Variants in MAP2K5 observed in about 807,000 individuals in gnomAD.
MAP2K5 encodes the protein mitogen-activated protein kinase kinase 5, also known as dual specificity mitogen-activated protein kinase kinase 5.
MAP2K5 carries 49 observed loss-of-function variants against 83.1 expected under a neutral mutation model. The observed-to-expected ratio is 0.59, with a 90% CI of 0.47 to 0.75. The LOEUF (loss-of-function observed/expected upper bound fraction) is 0.75, where lower values mean the gene tolerates loss of function less well. MAP2K5 is among the 30% of genes least tolerant of loss of function. MAP2K5 has a pLI of 0.00. For synonymous variants in MAP2K5, 202 were observed against 191.8 expected (o/e 1.05, Z -0.44); for missense variants, 457 against 557.5 (o/e 0.82, Z 1.82).
intron 13 of MAP2K5, among the ~76,000 whole-genome samples, chr15:67,674,675 C>G (rs1449562538): frequency 2.0e-5 from 3 of 152,062 alleles, no homozygotes; most frequent in African/African-American, 7.2e-5. Context: ...TTCAAGAGAT[C>G]AGAAACGCTA....
In MAP2K5 at chr15:67,736,343, C is replaced by G. The variant is rs2089341528; in HGVS notation, c.1074+8398C>G. Among the ~76,000 whole-genome samples the G allele has an allele frequency of 6.6e-6, 1 of 152,214 alleles. No homozygotes were observed. The highest frequency in any genetic ancestry group is 1.5e-5 in the Non-Finnish European group (1 of 68,048). The stretch of plus-strand genomic sequence containing the variant: ...TCCCTGCCACCCTTTATGAATTTGG[C>G]TTGGTATATCACGGCATTTTCTAGA... On this transcript the variant is annotated intron_variant, in intron 17 of 21. Transcript: ENST00000178640. This position sits in a 1 kb window ranked among gnomAD's most constrained non-coding sequence, Gnocchi z 4.3.
rs1896258602 is a variant in MAP2K5, at chr15:67,652,788, T to C, written c.737-5765T>C. ...AACTCTATACCTATTAAATAAGAACTCCTCATTCACCCCCGCTCCCAGCCC... is the reference window on the plus strand; with the variant it reads ...AACTCTATACCTATTAAATAAGAACCCCTCATTCACCCCCGCTCCCAGCCC... On this transcript the variant is annotated intron_variant, in intron 11 of 21. Coordinates refer to ENST00000178640, the MANE Select transcript of MAP2K5 (RefSeq NM_145160.3). The surrounding 1 kb of genome is among the most constrained non-coding windows in gnomAD (Gnocchi z 4.2). Among the ~76,000 whole-genome samples the C allele has an allele frequency of 6.6e-6, 1 of 152,124 alleles. No individual in the cohort carries two copies. Among genetic ancestry groups the C allele is most frequent in the African/African-American group, 2.4e-5 (1 of 41,438 alleles).
chr15:67,743,186 C>A (rs959700211), intron 17 of MAP2K5, among the ~76,000 whole-genome samples: 3 of 152,158 alleles, frequency 2.0e-5, no homozygotes, highest in African/African-American at 7.2e-5. Context: ...AATACAGCAC[C>A]CCAGCTGGAG....
rs34282083 is a variant in MAP2K5 at position 67,653,287 on chromosome 15, A to AT, written c.737-5251dup. ...GTTTGTCAGTTTCTCTGTTTAAAAT[A>AT]TTTTTTTTTTTTTTTGAGACGGAGT... On this transcript the variant is annotated intron_variant, in intron 11 of 21. Coordinates refer to ENST00000178640, the MANE Select transcript of MAP2K5 (RefSeq NM_145160.3). Among the ~76,000 whole-genome samples the AT allele has an allele frequency of 5.8e-4, 80 of 138,480 alleles. 1 individual carries two copies. The highest frequency in any genetic ancestry group is 2.0e-3 in the African/African-American group (76 of 37,738). 90.8% of individuals were successfully genotyped at this position (138,480 alleles called of 152,430 possible).
intron 7 of MAP2K5, among the ~76,000 whole-genome samples, chr15:67,597,432 G>A (rs1014078954): frequency 6.6e-6 from 1 of 152,162 alleles, no homozygotes; most frequent in Non-Finnish European, 1.5e-5. Context: ...ATGTTGAACT[G>A]GAGTATACTG....
At chr15:67,629,304 G>C (rs1567321213) in intron 8 of MAP2K5, among the ~76,000 whole-genome samples, 1 of 152,150 alleles carries the variant, frequency 6.6e-6, no homozygotes. Context: ...GCAAAAACTT[G>C]AGGACTGTAT....
intron 3 of MAP2K5, among the ~76,000 whole-genome samples, chr15:67,567,271 G>A (rs1328425887): frequency 2.0e-5 from 3 of 151,086 alleles, no homozygotes; most frequent in African/African-American, 2.4e-5. Flanking sequence ...ATAGTTTCTT[G>A]TAAGTTATGT....
At chr15:67,705,504 G>A (rs558264446) in intron 16 of MAP2K5, among the ~76,000 whole-genome samples, 1 of 152,194 alleles carries the variant, frequency 6.6e-6, no homozygotes, top group Non-Finnish European at 1.5e-5. Context: ...GGAGGCTGAG[G>A]TGGGCAGATC....
At chr15:67,579,724 T>A in intron 3 of MAP2K5, among the ~76,000 whole-genome samples, 1 of 150,462 alleles carries the variant, frequency 6.6e-6, no homozygotes, top group African/African-American at 2.5e-5. Flanking sequence ...GCTCTTGTAA[T>A]AATTTTAATG....
At chr15:67,554,122 C>G (rs1489519888) in intron 2 of MAP2K5, among the ~76,000 whole-genome samples, 12 of 151,990 alleles carry the variant, frequency 7.9e-5, no homozygotes, top group Admixed American at 7.9e-4. Context: ...TGCAGTGGTG[C>G]GATCTCAGCT....
chr15:67,578,309 C>T (rs779820865), intron 3 of MAP2K5, among the ~76,000 whole-genome samples: 10 of 152,292 alleles, frequency 6.6e-5, no homozygotes, highest in South Asian at 4.2e-4. Flanking sequence ...GCATTTTATC[C>T]TTATCCCATG....
At chr15:67,709,282 G>A (rs907176387) in intron 16 of MAP2K5, among the ~76,000 whole-genome samples, 24 of 152,122 alleles carry the variant, frequency 1.6e-4, no homozygotes, top group African/African-American at 5.6e-4. Flanking sequence ...AAGAATCAAT[G>A]TGGAAATGCA....
At chr15:67,635,374 A>T (rs1305776769) in intron 9 of MAP2K5, among the ~76,000 whole-genome samples, 1 of 151,816 alleles carries the variant, frequency 6.6e-6, no homozygotes, top group Non-Finnish European at 1.5e-5. Flanking sequence ...ATGGGGTTTC[A>T]CCATGTTAGG....
In MAP2K5 at chr15:67,646,433, GA is replaced by G; in HGVS notation, c.704del (p.Asn235ThrfsTer31). 1 of 1,601,396 alleles carries G rather than the reference GA, an allele frequency of 6.2e-7. No individual in the cohort carries two copies. The highest frequency in any genetic ancestry group is 8.5e-7 in the Non-Finnish European group (1 of 1,170,762). ...IIGFYGAFFV[E>X]NRISICTEFM... ...TGGATTTTATGGAGCATTTTTTGTA[GA>G]AAACAGGATTTCAATATGTACAGAA... On this transcript the variant is annotated frameshift_variant, in exon 11 of 22. Coordinates refer to ENST00000178640, the MANE Select transcript of MAP2K5 (RefSeq NM_145160.3). LOFTEE classifies it high-confidence loss of function.
intron 13 of MAP2K5, chr15:67,679,919 A>G (rs1472039516): frequency 6.6e-6 from 1 of 152,222 alleles, no homozygotes; most frequent in African/African-American, 2.4e-5. Flanking sequence ...ACCATAATCC[A>G]GTTTTAGAAC....
At position 67,640,866 on chromosome 15, in the gene MAP2K5, C is replaced by T. The variant is rs1030692577; in HGVS notation, c.586-5365C>T. Among the ~76,000 whole-genome samples the T allele has an allele frequency of 2.6e-5, 4 of 152,118 alleles. No individual in the cohort carries two copies. Among genetic ancestry groups the T allele is most frequent in the African/African-American group, 9.7e-5 (4 of 41,422 alleles). On this transcript the variant is annotated intron_variant, in intron 9 of 21. Transcript: ENST00000178640. The surrounding 1 kb of genome is among the most constrained non-coding windows in gnomAD (Gnocchi z 4.6). ...ATGTACCATGAATTTCTATTTTATA[C>T]TATTGAATTTAGAAAATGTTCTGCC...
At chr15:67,671,502 A>T (rs1366460574) in intron 13 of MAP2K5, among the ~76,000 whole-genome samples, 1 of 152,198 alleles carries the variant, frequency 6.6e-6, no homozygotes, top group Non-Finnish European at 1.5e-5. Context: ...TGCTTTCTAA[A>T]CCAGACTCAT....
chr15:67,605,653 A>C (rs543808365), intron 8 of MAP2K5, among the ~76,000 whole-genome samples: 1 of 152,278 alleles, frequency 6.6e-6, no homozygotes, highest in African/African-American at 2.4e-5. Context: ...CCAGATTTCT[A>C]TACAGCATTT....
chr15:67,622,120 G>A (rs932304572), intron 8 of MAP2K5, among the ~76,000 whole-genome samples: 2 of 145,728 alleles, frequency 1.4e-5, no homozygotes, highest in African/African-American at 5.1e-5. Context: ...ACTCCAGCCT[G>A]GGCAACAGAG....
Sources: gnomAD v4.1 joint callset for allele counts (sites outside exome capture counted in the v4.1 genomes callset) on GRCh38, gnomAD v4.1.1 for gene constraint, Gnocchi (gnomAD v3.1) non-coding constraint, MANE v1.5 for transcripts, NCBI Gene and HGNC (gene_info 2026-07-23, HGNC 2026-07-21) for gene names.